The following FZD3 variants were observed in gnomAD, a reference collection of about 807,000 sequenced individuals.
FZD3 encodes the protein frizzled-3.
Under a neutral mutation model 60.7 loss-of-function variants are expected in FZD3, and 30 were observed. The ratio of observed to expected loss-of-function variants is 0.49; its 90% confidence interval spans 0.37 to 0.67. The LOEUF (loss-of-function observed/expected upper bound fraction) is 0.67. Ranked by LOEUF, FZD3 falls within the 30% of genes least tolerant of loss-of-function variation. The pLI, the probability that FZD3 is intolerant of heterozygous loss-of-function variation, is 0.00. For missense variants in FZD3, 605 were observed against 838.7 expected (o/e 0.72, Z 3.44); for synonymous variants, 246 against 275.2 (o/e 0.89, Z 1.05).
At chr8:28,531,882 C>G (rs867386843) in intron 5 of FZD3, among the ~76,000 whole-genome samples, 1 of 151,916 alleles carries the variant, frequency 6.6e-6, no homozygotes, top group Non-Finnish European at 1.5e-5. Flanking sequence ...TTTATTTGTG[C>G]TTTCTTAGTC....
At position 28,565,748 on chromosome 8, in the gene FZD3, C is replaced by T. The variant is rs1805694496; in HGVS notation, c.*2737C>T. The T allele has an allele frequency of 6.6e-6, 1 of 152,022 alleles. No individual in the cohort carries two copies. Among genetic ancestry groups the T allele is most frequent in the Non-Finnish European group, 1.5e-5 (1 of 67,960 alleles). The allele number at this position is 152,022 out of a possible 1,614,324, so 9.4% of individuals were successfully genotyped here. On this transcript the variant is annotated 3_prime_UTR_variant, in exon 8 of 8. Transcript: ENST00000240093. ...CCACAAAATTTATGTAATATTAATC[C>T]ATGGTTTTAAACAACAGTATTCAGT... is the stretch of plus-strand genomic sequence containing the variant.
intron 1 of FZD3, among the ~76,000 whole-genome samples, chr8:28,498,999 G>A (rs1380793401): frequency 6.6e-6 from 1 of 152,082 alleles, no homozygotes; most frequent in Non-Finnish European, 1.5e-5. Flanking sequence ...TTTCTTACTA[G>A]GTACAGTAGA....
At chr8:28,530,089 CTGTGTGTGTGTGTGTGTGTGTGTGTGTG>C (rs59022036) in intron 5 of FZD3, among the ~76,000 whole-genome samples, 4,039 of 138,590 alleles carry the variant, frequency 0.029, 107 homozygotes, top group Non-Finnish European at 0.042. Flanking sequence ...TGAAATATAT[CTGTGTGTGTGTGTGTGTGTGTGTGTGTG>C]TGTGTGTGTG....
At chr8:28,518,654 G>A (rs529412796) in intron 3 of FZD3, among the ~76,000 whole-genome samples, 1 of 152,058 alleles carries the variant, frequency 6.6e-6, no homozygotes, top group Non-Finnish European at 1.5e-5. Flanking sequence ...CTTTGTGTTA[G>A]ACTCAGTCCT....
chr8:28,497,260 G>A (rs545320922), intron 1 of FZD3, among the ~76,000 whole-genome samples: 1 of 152,252 alleles, frequency 6.6e-6, no homozygotes, highest in South Asian at 2.1e-4. Flanking sequence ...GATGAAGCAG[G>A]AAAGTTCAGA....
chr8:28,514,629 A>G (rs1376817017), intron 3 of FZD3, among the ~76,000 whole-genome samples: 1 of 152,206 alleles, frequency 6.6e-6, no homozygotes, highest in East Asian at 1.9e-4. Flanking sequence ...TATAAATAGA[A>G]TCATGCCGTA....
intron 1 of FZD3, among the ~76,000 whole-genome samples, chr8:28,495,126 C>A (rs771003600): frequency 1.5e-4 from 23 of 152,174 alleles, no homozygotes; most frequent in Non-Finnish European, 2.6e-4. Flanking sequence ...ATCTTCCTAG[C>A]GGTGTTTTAC....
At chr8:28,515,780 C>A (rs1038859835) in intron 3 of FZD3, among the ~76,000 whole-genome samples, 1 of 152,166 alleles carries the variant, frequency 6.6e-6, no homozygotes, top group Non-Finnish European at 1.5e-5. Flanking sequence ...ACTGCCTTTC[C>A]CTGGCATCAG....
At chr8:28,536,425 A>G (rs907308791) in intron 5 of FZD3, among the ~76,000 whole-genome samples, 3 of 152,234 alleles carry the variant, frequency 2.0e-5, no homozygotes, top group African/African-American at 7.2e-5. Flanking sequence ...TTATTTTTAT[A>G]GTCCGGGCGC....
rs1456009496 is a variant in FZD3 at position 28,570,939 on chromosome 8, A to C, written c.*7928A>C. The C allele has an allele frequency of 6.6e-6, 1 of 151,906 alleles. No individual in the cohort carries two copies. Among genetic ancestry groups the C allele is most frequent in the Admixed American group, 6.6e-5 (1 of 15,240 alleles). 9.4% of individuals were successfully genotyped at this position (151,906 alleles called of 1,614,324 possible). A position where few individuals can be genotyped will look rare whatever the true frequency, so the allele number is the denominator to read the frequency against. On this transcript the variant is annotated 3_prime_UTR_variant, in exon 8 of 8. Coordinates refer to ENST00000240093, the MANE Select transcript of FZD3 (RefSeq NM_017412.4). ...CTTATGTCATTTCACTGGATCATGT[A>C]ACTGTCCTGGCTTTCAGAAATTATA...
chr8:28,528,513 G>A (rs1274064753), intron 5 of FZD3, among the ~76,000 whole-genome samples: 1 of 151,924 alleles, frequency 6.6e-6, no homozygotes, highest in Non-Finnish European at 1.5e-5. Context: ...CTGATGCTCA[G>A]GTTAGAAATT....
At chr8:28,549,239 T>G (rs1805359897) in intron 5 of FZD3, among the ~76,000 whole-genome samples, 1 of 152,218 alleles carries the variant, frequency 6.6e-6, no homozygotes, top group South Asian at 2.1e-4. Context: ...CCACATAACC[T>G]TAATTACCTC....
chr8:28,519,656 G>A (rs2567562), intron 3 of FZD3, among the ~76,000 whole-genome samples: 1 of 151,222 alleles, frequency 6.6e-6, no homozygotes. Context: ...TTTGAGCCTA[G>A]GAGGCAGAGG....
chr8:28,496,508 G>A (rs1803848483), intron 1 of FZD3, among the ~76,000 whole-genome samples: 1 of 151,904 alleles, frequency 6.6e-6, no homozygotes, highest in Non-Finnish European at 1.5e-5. Flanking sequence ...GCAGCTGTGC[G>A]CAAAAATAAA....
Position 28,502,869 on chromosome 8 carries a change from G to C in FZD3, c.-145G>C. 2 of 471,656 alleles carry C rather than the reference G, an allele frequency of 4.2e-6. No individual in the cohort carries two copies. Among genetic ancestry groups the C allele is most frequent in the Non-Finnish European group, 7.5e-6 (2 of 267,616 alleles). The allele number at this position is 471,656 out of a possible 1,614,324, so 29.2% of individuals were successfully genotyped here. On this transcript the variant is annotated 5_prime_UTR_variant, in exon 3 of 8. Transcript: ENST00000240093. ...GAGACCAAGCTAACAAACCTCTGAC[G>C]GTGCGAAGAGTATTTAACTGTTTGA...
chr8:28,496,875 G>A (rs902880172), intron 1 of FZD3, among the ~76,000 whole-genome samples: 1 of 152,128 alleles, frequency 6.6e-6, no homozygotes, highest in Non-Finnish European at 1.5e-5. Context: ...TGTAGTCAAA[G>A]CATGCAAACC....
intron 3 of FZD3, among the ~76,000 whole-genome samples, chr8:28,517,048 C>G (rs1039302801): frequency 6.6e-6 from 1 of 152,028 alleles, no homozygotes; most frequent in African/African-American, 2.4e-5. Flanking sequence ...CACAGTCATC[C>G]CTTTTGTTGC....
chr8:28,571,661 G>C lies in FZD3; in HGVS notation c.*8650G>C, dbSNP rs1805808353. ...AACTTTTCTGCTTTTATTTTCAAATGTCAAATTGTATTTTTGTGTTTTATT... is the reference window on the plus strand; with the variant it reads ...AACTTTTCTGCTTTTATTTTCAAATCTCAAATTGTATTTTTGTGTTTTATT... On this transcript the variant is annotated 3_prime_UTR_variant, in exon 8 of 8. Coordinates refer to ENST00000240093, the MANE Select transcript of FZD3 (RefSeq NM_017412.4). 6.6e-6 allele frequency: 1 copy of C among 152,048 alleles called. No individual in the cohort carries two copies. The highest frequency in any genetic ancestry group is 6.6e-5 in the Admixed American group (1 of 15,264). The allele number at this position is 152,048 out of a possible 1,614,324, so 9.4% of individuals were successfully genotyped here.
intron 1 of FZD3, among the ~76,000 whole-genome samples, chr8:28,499,208 A>G (rs540570116): frequency 2.1e-4 from 32 of 152,318 alleles, no homozygotes; most frequent in Middle Eastern, 6.8e-3. Context: ...AACAATCGAA[A>G]TAGTTTTACT....
Sources: gnomAD v4.1 joint callset for allele counts (sites outside exome capture counted in the v4.1 genomes callset) on GRCh38, gnomAD v4.1.1 for gene constraint, MANE v1.5 for transcripts, NCBI Gene and HGNC (gene_info 2026-07-23, HGNC 2026-07-21) for gene names.